Variants in SHISA9 observed in about 807,000 individuals in gnomAD.
The protein encoded by SHISA9 is shisa family member 9.
In SHISA9, 13 loss-of-function variants were observed where a neutral mutation model predicts 38.0. The observed-to-expected ratio is 0.34, with a 90% CI of 0.22 to 0.54. The LOEUF is 0.54. Ranked by LOEUF, SHISA9 falls within the 20% of genes least tolerant of loss-of-function variation. The probability of loss-of-function intolerance (pLI) is 0.91; values close to 1 mark genes in which losing one functional copy is unlikely to be tolerated. For missense variants in SHISA9, 538 were observed against 575.8 expected, an observed-to-expected ratio of 0.93 and a Z score of 0.67; for synonymous variants, 275 against 242.0, an observed-to-expected ratio of 1.14 and a Z score of -1.27.
At chr16:13,075,848 G>T in intron 2 of SHISA9, among the ~76,000 whole-genome samples, 1 of 151,982 alleles carries the variant, frequency 6.6e-6, no homozygotes, top group East Asian at 1.9e-4. Flanking sequence ...GTTGGCATTC[G>T]GGGCCAGATG....
At chr16:13,157,552 G>A (rs890800916) in intron 2 of SHISA9, among the ~76,000 whole-genome samples, 5 of 152,184 alleles carry the variant, frequency 3.3e-5, no homozygotes, top group Admixed American at 6.5e-5. Context: ...ATTCATACAT[G>A]GAAAGTACTT....
the SHISA9 span, among the ~76,000 whole-genome samples, chr16:13,523,719 G>A: frequency 1.3e-5 from 2 of 152,146 alleles, no homozygotes; most frequent in Non-Finnish European, 2.9e-5. Flanking sequence ...AGCCATTTAT[G>A]AGAAACCACC....
intron 2 of SHISA9, among the ~76,000 whole-genome samples, chr16:13,018,393 C>T (rs1462781039): frequency 6.6e-6 from 1 of 152,164 alleles, no homozygotes; most frequent in Non-Finnish European, 1.5e-5. Context: ...TTTGGTATTG[C>T]CTGTTTCCTT....
intron 2 of SHISA9, among the ~76,000 whole-genome samples, chr16:13,193,409 T>C (rs979845812): frequency 6.6e-6 from 1 of 152,194 alleles, no homozygotes; most frequent in African/African-American, 2.4e-5. Context: ...TGGAGCACAG[T>C]GGCATAATCT....
chr16:13,438,569 C>T, the SHISA9 span, among the ~76,000 whole-genome samples: 1 of 152,268 alleles, frequency 6.6e-6, no homozygotes, highest in East Asian at 1.9e-4. Context: ...AATGTCCTTA[C>T]AGAAATGTAA....
At chr16:13,203,299 G>T in intron 2 of SHISA9, 95 bp from the exon 3 acceptor site, 1 of 1,229,418 alleles carries the variant, frequency 8.1e-7, no homozygotes, top group Non-Finnish European at 1.1e-6. Flanking sequence ...CTAAAGGGTG[G>T]GGAGAGTTTT....
intron 2 of SHISA9, among the ~76,000 whole-genome samples, chr16:13,050,367 C>T (rs892869959): frequency 2.6e-5 from 4 of 151,872 alleles, no homozygotes; most frequent in East Asian, 1.9e-4. Context: ...GGTCTGGCTC[C>T]GTCACCCAGG....
intron 4 of SHISA9, among the ~76,000 whole-genome samples, chr16:13,219,916 C>G (rs1000712507): frequency 6.6e-6 from 1 of 152,028 alleles, no homozygotes; most frequent in African/African-American, 2.4e-5. Flanking sequence ...CAAGATCACG[C>G]CACTGCACTC....
the SHISA9 span, among the ~76,000 whole-genome samples, chr16:13,452,570 C>T: frequency 3.9e-5 from 6 of 152,168 alleles, no homozygotes; most frequent in East Asian, 1.9e-4. Flanking sequence ...ACTTACAGAT[C>T]GGATGGGTGT....
chr16:13,009,351 C>A (rs948196135), intron 2 of SHISA9, among the ~76,000 whole-genome samples: 9 of 152,112 alleles, frequency 5.9e-5, no homozygotes, highest in African/African-American at 2.2e-4. Context: ...GAAGGACATT[C>A]AGGAAGGTGG....
intron 2 of SHISA9, among the ~76,000 whole-genome samples, chr16:12,924,307 C>G (rs1030707479): frequency 1.3e-5 from 2 of 152,110 alleles, no homozygotes. Flanking sequence ...TTGCCAATGT[C>G]TAGACAATAT....
rs114521534 is a variant in SHISA9 at position 13,027,260 on chromosome 16, C to G, written c.691+110445C>G. On this transcript the variant is annotated intron_variant, in intron 2 of 4. Coordinates refer to ENST00000558583, the MANE Select transcript of SHISA9 (RefSeq NM_001145204.3). Reference sequence around the variant, plus strand: ...CCATCAATATTCTTTCAGTTATAGGCAGCAGTAAAAACCATCTCAAACTTC... The same window carrying G: ...CCATCAATATTCTTTCAGTTATAGGGAGCAGTAAAAACCATCTCAAACTTC... Among the ~76,000 whole-genome samples the G allele has an allele frequency of 5.0e-3, 755 of 152,282 alleles. 5 individuals carry two copies. Among genetic ancestry groups the G allele is most frequent in the African/African-American group, 0.016 (648 of 41,568 alleles).
At chr16:13,131,379 T>G (rs2141987355) in intron 2 of SHISA9, among the ~76,000 whole-genome samples, 1 of 152,200 alleles carries the variant, frequency 6.6e-6, no homozygotes, top group South Asian at 2.1e-4. Flanking sequence ...AACCAAACAC[T>G]GCATATTCTC....
intron 1 of SHISA9, among the ~76,000 whole-genome samples, chr16:12,903,931 A>G (rs1198635449): frequency 6.6e-6 from 1 of 150,852 alleles, no homozygotes; most frequent in African/African-American, 2.4e-5. Context: ...TACGCAGAGT[A>G]TCCGATGAGA....
At chr16:13,393,569 C>T in the SHISA9 span, among the ~76,000 whole-genome samples, 230 of 152,294 alleles carry the variant, frequency 1.5e-3, 1 homozygote, top group Middle Eastern at 3.4e-3. Flanking sequence ...GGCACTGTGT[C>T]AGCCATCTAA....
chr16:13,257,990 G>A, the SHISA9 span, among the ~76,000 whole-genome samples: 1 of 152,160 alleles, frequency 6.6e-6, no homozygotes, highest in African/African-American at 2.4e-5. Context: ...CTGTGTGGAT[G>A]GATAGTTTAG....
At chr16:13,299,568 G>A in the SHISA9 span, among the ~76,000 whole-genome samples, 1 of 152,062 alleles carries the variant, frequency 6.6e-6, no homozygotes, top group Non-Finnish European at 1.5e-5. Flanking sequence ...ACAAAAATTA[G>A]CCGGGTGTGG....
At chr16:13,550,620 T>C in the SHISA9 span, among the ~76,000 whole-genome samples, 1 of 152,208 alleles carries the variant, frequency 6.6e-6, no homozygotes, top group Non-Finnish European at 1.5e-5. Context: ...CAGGTCTTCC[T>C]GAGAAAGTCA....
intron 2 of SHISA9, among the ~76,000 whole-genome samples, chr16:13,176,478 A>C (rs1171373578): frequency 6.6e-6 from 1 of 152,138 alleles, no homozygotes; most frequent in East Asian, 1.9e-4. Flanking sequence ...GATCTTAACC[A>C]ATGCCTGATG....
Sources: gnomAD v4.1 joint callset for allele counts (sites outside exome capture counted in the v4.1 genomes callset) on GRCh38, gnomAD v4.1.1 for gene constraint, MANE v1.5 for transcripts, NCBI Gene and HGNC (gene_info 2026-07-23, HGNC 2026-07-21) for gene names.